The following MCF2L variants were observed in gnomAD, a reference collection of about 807,000 sequenced individuals.
The protein encoded by MCF2L is guanine nucleotide exchange factor DBS.
Under a neutral mutation model 153.4 loss-of-function variants are expected in MCF2L, and 97 were observed. That is an observed-to-expected ratio of 0.63 (90% confidence interval 0.54 to 0.75). The LOEUF (loss-of-function observed/expected upper bound fraction) is 0.75. Ranked by LOEUF, MCF2L falls within the 30% of genes least tolerant of loss-of-function variation. The pLI is 0.00. For missense variants in MCF2L, 1,347 were observed against 1,495.2 expected, an observed-to-expected ratio of 0.90 and a Z score of 1.64; for synonymous variants, 659 against 632.2, an observed-to-expected ratio of 1.04 and a Z score of -0.64.
intron 1 of MCF2L, among the ~76,000 whole-genome samples, chr13:112,986,415 G>A (rs1028142985): frequency 1.3e-5 from 2 of 152,216 alleles, no homozygotes; most frequent in African/African-American, 2.4e-5. Context: ...CACGAACGGT[G>A]TGGGAGGACA....
chr13:112,998,293 C>T (rs1365009665), intron 1 of MCF2L, among the ~76,000 whole-genome samples: 1 of 152,190 alleles, frequency 6.6e-6, no homozygotes, highest in Non-Finnish European at 1.5e-5. Flanking sequence ...AAACAGCATA[C>T]CAAATACAAC....
intron 8 of MCF2L, among the ~76,000 whole-genome samples, chr13:113,066,398 T>C (rs1012649555): frequency 6.6e-6 from 1 of 152,096 alleles, no homozygotes; most frequent in African/African-American, 2.4e-5. Context: ...AGCCACTGTT[T>C]TGGGGACAAT....
At chr13:113,036,653 G>A (rs975769651) in intron 3 of MCF2L, among the ~76,000 whole-genome samples, 5 of 152,226 alleles carry the variant, frequency 3.3e-5, no homozygotes, top group Non-Finnish European at 4.4e-5. Context: ...TGCGTGTGTC[G>A]CAGGCGACCC....
rs11374321 is a variant in MCF2L, at chr13:113,086,743, GT to G, written c.2374-482del. 4.5e-3 allele frequency among the ~76,000 whole-genome samples: 677 copies of G among 149,322 alleles called. 9 individuals carry two copies. The highest frequency in any genetic ancestry group is 0.015 in the African/African-American group (611 of 40,766). ...GTCCACCCAGCACTCATTCTCAGGT[GT>G]TTTTTTTTTAACTAATAGAGTTGAT... is the stretch of plus-strand genomic sequence containing the variant. On this transcript the variant is annotated intron_variant, in intron 21 of 29. Transcript: ENST00000535094.
chr13:112,983,974 T>G lies in MCF2L; in HGVS notation c.79+14516T>G, dbSNP rs1430716810. Among the ~76,000 whole-genome samples, 4 of 152,222 alleles carry G rather than the reference T, an allele frequency of 2.6e-5. No individual in the cohort carries two copies. The highest frequency in any genetic ancestry group is 5.9e-5 in the Non-Finnish European group (4 of 68,040). On this transcript the variant is annotated intron_variant, in intron 1 of 29. Transcript: ENST00000535094. The surrounding 1 kb of genome is among the most constrained non-coding windows in gnomAD (Gnocchi z 4.0). ...AGACGGTGCTGGGAGAAAATGTAGC[T>G]GCAGGTGGAGATTTTCTGATAACCA...
At chr13:112,966,841 C>T (rs2081899179), upstream of MCF2L, among the ~76,000 whole-genome samples, 1 of 152,212 alleles carries the variant, frequency 6.6e-6, no homozygotes, top group Non-Finnish European at 1.5e-5. This position sits in a 1 kb window ranked among gnomAD's most constrained non-coding sequence, Gnocchi z 4.1. Context: ...CCAGCACATT[C>T]AACATCCCAG....
chr13:113,085,369 G>T (rs1183374183), intron 20 of MCF2L, among the ~76,000 whole-genome samples, 191 bp downstream of exon 20: 1 of 152,202 alleles, frequency 6.6e-6, no homozygotes, highest in Non-Finnish European at 1.5e-5. Flanking sequence ...GAGGACGCAG[G>T]TGAGCAGACG....
chr13:112,968,658 G>C, upstream of MCF2L: 1 of 1,513,654 alleles, frequency 6.6e-7, no homozygotes, highest in Non-Finnish European at 8.8e-7. Flanking sequence ...CACGGAAGGG[G>C]CGCGCTGGGC....
At chr13:113,050,694 C>CGG in intron 4 of MCF2L, among the ~76,000 whole-genome samples, 1 of 60,246 alleles carries the variant, frequency 1.7e-5, no homozygotes, top group South Asian at 7.8e-4. Context: ...GCTGGGGGAG[C>CGG]GGGGAGGCGG....
intron 4 of MCF2L, among the ~76,000 whole-genome samples, chr13:113,051,016 G>T (rs946857850): frequency 6.6e-6 from 1 of 152,072 alleles, no homozygotes; most frequent in Admixed American, 6.5e-5. Context: ...GCATAACTGC[G>T]GCGACACGGG....
intron 2 of MCF2L, among the ~76,000 whole-genome samples, chr13:112,949,646 A>C (rs2081671005): frequency 6.6e-6 from 1 of 152,112 alleles, no homozygotes; most frequent in Non-Finnish European, 1.5e-5. Context: ...CATGTCAACC[A>C]GTGCAGAAAA....
chr13:113,013,144 G>A (rs1003976711), intron 1 of MCF2L, among the ~76,000 whole-genome samples: 11 of 152,316 alleles, frequency 7.2e-5, no homozygotes, highest in African/African-American at 2.6e-4. Context: ...CTAGGCTGCC[G>A]TCGGCTGCAC....
chr13:112,910,416 C>T (rs2081218982), intron 2 of MCF2L: 3 of 152,188 alleles, frequency 2.0e-5, no homozygotes, highest in Admixed American at 1.3e-4. Flanking sequence ...TGAACACTTG[C>T]AGGAAAGCAA....
intron 25 of MCF2L, 144 bp downstream of exon 25, chr13:113,088,772 C>T (rs750259805): frequency 1.7e-5 from 14 of 802,390 alleles, no homozygotes; most frequent in Non-Finnish European, 2.4e-5. Flanking sequence ...TATGTGCTGA[C>T]GGGTCCGTCC....
chr13:112,972,193 G>T (rs1252933513), intron 1 of MCF2L, among the ~76,000 whole-genome samples: 2 of 149,466 alleles, frequency 1.3e-5, no homozygotes, highest in Non-Finnish European at 3.0e-5. Flanking sequence ...GATGATGATA[G>T]ATGGATAATG....
intron 2 of MCF2L, among the ~76,000 whole-genome samples, chr13:112,927,827 T>G (rs1187602930): frequency 6.6e-6 from 1 of 152,012 alleles, no homozygotes; most frequent in African/African-American, 2.4e-5. Flanking sequence ...ACATGACAAA[T>G]GACCTGGTTT....
intron 2 of MCF2L, among the ~76,000 whole-genome samples, chr13:112,930,238 T>C (rs1437291690): frequency 6.6e-6 from 1 of 152,190 alleles, no homozygotes; most frequent in Non-Finnish European, 1.5e-5. Flanking sequence ...TACAAAAACC[T>C]GCACATAAGT....
chr13:113,044,897 C>T, intron 3 of MCF2L: 1 of 1,612,738 alleles, frequency 6.2e-7, no homozygotes, highest in South Asian at 1.1e-5. Context: ...ATGTATGCGC[C>T]ATAAGACTGT....
intron 2 of MCF2L, among the ~76,000 whole-genome samples, chr13:112,945,860 G>A (rs952614438): frequency 6.6e-6 from 1 of 152,224 alleles, no homozygotes; most frequent in African/African-American, 2.4e-5. Flanking sequence ...GAATTGATGA[G>A]GAGGGGCCCA....
Sources: gnomAD v4.1 joint callset for allele counts (sites outside exome capture counted in the v4.1 genomes callset) on GRCh38, gnomAD v4.1.1 for gene constraint, Gnocchi (gnomAD v3.1) non-coding constraint, MANE v1.5 for transcripts, NCBI Gene and HGNC (gene_info 2026-07-23, HGNC 2026-07-21) for gene names.